The following MYOCD variants were observed in gnomAD, a reference collection of about 807,000 sequenced individuals.
MYOCD encodes the protein myocardin.
Under a neutral mutation model 96.1 loss-of-function variants are expected in MYOCD, and 32 were observed. That is an observed-to-expected ratio of 0.33 (90% CI 0.25 to 0.45). The LOEUF (loss-of-function observed/expected upper bound fraction) is 0.45. Among genes scored for constraint, MYOCD ranks in the 20% least tolerant of loss-of-function variants. The pLI is 1.00. For synonymous variants in MYOCD, 469 were observed against 469.0 expected (o/e 1.00, Z 0.00); for missense variants, 1,133 against 1,200.6 (o/e 0.94, Z 0.83).
At chr17:12,734,376 G>A (rs1319234267) in intron 5 of MYOCD, among the ~76,000 whole-genome samples, 2 of 151,994 alleles carry the variant, frequency 1.3e-5, no homozygotes, top group Admixed American at 6.6e-5. Context: ...GCACTGGCCC[G>A]GGGCACGTGC....
chr17:12,732,278 C>A (rs1444985598), intron 5 of MYOCD, among the ~76,000 whole-genome samples: 1 of 152,142 alleles, frequency 6.6e-6, no homozygotes, highest in Non-Finnish European at 1.5e-5. Flanking sequence ...GCTGAAAGCA[C>A]TTCTTTGTCA....
rs1409496307 is a variant in MYOCD, at chr17:12,753,375, C to G, written c.2058+29C>G. On this transcript the variant is annotated intron_variant, in intron 10 of 13. Transcript: ENST00000425538. ...AGAGCACCTTGCGCCATGCCTGGTG[C>G]ACACTTCTTTCTGGAAGTGGGTTAC... is the stretch of plus-strand genomic sequence containing the variant. 2.0e-6 allele frequency: 3 copies of G among 1,514,164 alleles called. No homozygotes were observed. The African/African-American group carries it at 4.2e-5, about 21-fold the overall frequency. 93.8% of individuals were successfully genotyped at this position (1,514,164 alleles called of 1,614,324 possible). A position where few individuals can be genotyped will look rare whatever the true frequency, so the allele number is the denominator to read the frequency against.
At chr17:12,749,705 A>ACG (rs2032782515) in intron 9 of MYOCD, among the ~76,000 whole-genome samples, 1 of 146,032 alleles carries the variant, frequency 6.8e-6, no homozygotes, top group African/African-American at 2.5e-5. Flanking sequence ...ATGTATACAT[A>ACG]TGTGTATATA....
chr17:12,666,334 C>T, intron 1 of MYOCD, 91 bp downstream of exon 1: 2 of 975,932 alleles, frequency 2.0e-6, no homozygotes, highest in Non-Finnish European at 3.2e-6. Context: ...GTTTCAAAGC[C>T]TGCCAGGTCT....
intron 2 of MYOCD, among the ~76,000 whole-genome samples, chr17:12,709,721 C>G (rs185916489): frequency 6.6e-5 from 10 of 152,260 alleles, no homozygotes; most frequent in Non-Finnish European, 1.2e-4. Flanking sequence ...ACTATCCCAC[C>G]CTTTTGGGCT....
intron 2 of MYOCD, among the ~76,000 whole-genome samples, chr17:12,714,554 C>T (rs557900048): frequency 9.2e-5 from 14 of 152,296 alleles, no homozygotes; most frequent in Admixed American, 7.8e-4. Flanking sequence ...TCAACCTCAT[C>T]ACTAATCATG....
chr17:12,687,832 G>A (rs1027667798), intron 1 of MYOCD, among the ~76,000 whole-genome samples: 1 of 152,208 alleles, frequency 6.6e-6, no homozygotes, highest in Non-Finnish European at 1.5e-5. Flanking sequence ...GAGTGGAGAG[G>A]AGGTAGAAAG....
chr17:12,750,932 A>T (rs990159244), intron 9 of MYOCD, among the ~76,000 whole-genome samples: 1 of 152,166 alleles, frequency 6.6e-6, no homozygotes, highest in African/African-American at 2.4e-5. Context: ...CAATTAGCAC[A>T]CTTGATACAT....
chr17:12,732,541 T>C (rs1274744731), intron 5 of MYOCD, among the ~76,000 whole-genome samples: 1 of 152,174 alleles, frequency 6.6e-6, no homozygotes, highest in East Asian at 1.9e-4. Context: ...TTGTGTCCCA[T>C]CCAGATACAA....
chr17:12,762,893 TG>T, intron 13 of MYOCD, 179 bp from the exon 14 acceptor site: 1 of 589,522 alleles, frequency 1.7e-6, no homozygotes, highest in Non-Finnish European at 3.0e-6. Context: ...GGAAAGGGTT[TG>T]GGAAAAACCA....
In MYOCD at chr17:12,703,473, G is replaced by T. The variant is rs2031165847; in HGVS notation, c.56-1655G>T. ...CCATTTTTGCTTCATGTATTTTGAG[G>T]TTCTGTTCTTAAATGCATATCCATT... On this transcript the variant is annotated intron_variant, in intron 1 of 13. Transcript: ENST00000425538. 7.9e-5 allele frequency among the ~76,000 whole-genome samples: 12 copies of T among 151,874 alleles called. No individual in the cohort carries two copies. The South Asian group carries it at 2.5e-3, about 32-fold the overall frequency.
At chr17:12,690,236 T>C (rs556048892) in intron 1 of MYOCD, among the ~76,000 whole-genome samples, 3 of 151,868 alleles carry the variant, frequency 2.0e-5, no homozygotes, top group Non-Finnish European at 4.4e-5. Flanking sequence ...AAAGAAAAGA[T>C]ACTAATAGTA....
In MYOCD at chr17:12,763,496, T is replaced by G; in HGVS notation, c.2813T>G (p.Met938Arg). 6.2e-7 allele frequency: 1 copy of G among 1,614,204 alleles called. No homozygotes were observed. The change falls in exon 14 of 14, where the codon ATG becomes AGG. Residue 938 changes from methionine to arginine, a missense_variant. Met to Arg is a moderately conservative substitution (Grantham distance 91, BLOSUM62 -1). Transcript: ENST00000425538. ...LSFTESPWET[M>R]EWLDLTPPNS... is the part of the protein sequence containing the mutation. ...TTCACTGAATCTCCCTGGGAAACCA[T>G]GGAGTGGCTGGACCTCACTCCGCCA...
chr17:12,721,765 A>T (rs2031847424), intron 4 of MYOCD, among the ~76,000 whole-genome samples: 1 of 152,242 alleles, frequency 6.6e-6, no homozygotes, highest in African/African-American at 2.4e-5. Context: ...GTTGGTACAC[A>T]GGATGAGTCA....
Position 12,752,649 on chromosome 17 carries a change from C to G in MYOCD, c.1361C>G (p.Ser454Cys). 6.2e-7 allele frequency: 1 copy of G among 1,614,038 alleles called. No homozygotes were observed. Among genetic ancestry groups the G allele is most frequent in the East Asian group, 2.2e-5 (1 of 44,884 alleles). Reference protein sequence around the residue: ...NGFYHFGSTSSSPPISPASSD... With the variant: ...NGFYHFGSTSCSPPISPASSD... ...TTCTACCACTTTGGCAGCACCAGCT[C>G]CAGCCCCCCGATCTCCCCAGCCTCC... is the stretch of plus-strand genomic sequence containing the variant. Residue 454 changes from serine to cysteine, a missense_variant, in exon 10 of 14, where the codon TCC becomes TGC. Transcript: ENST00000425538.
intron 1 of MYOCD, among the ~76,000 whole-genome samples, chr17:12,692,028 A>G (rs986036297): frequency 2.0e-5 from 3 of 152,210 alleles, no homozygotes; most frequent in Non-Finnish European, 4.4e-5. Flanking sequence ...GAGAGGGAAA[A>G]GGAATAAAAG....
At chr17:12,696,125 C>G (rs994655156) in intron 1 of MYOCD, among the ~76,000 whole-genome samples, 1 of 151,426 alleles carries the variant, frequency 6.6e-6, no homozygotes, top group African/African-American at 2.4e-5. Context: ...GGTGCAATCT[C>G]GGCTCACTGC....
Position 12,763,662 on chromosome 17 carries a change from T to C in MYOCD, c.*18T>C. ...AGTGGTAGAATGCCCAATGCACCAGTGCTATGGAAGACCAATGGAGTTCCA... is the reference window on the plus strand; with the variant it reads ...AGTGGTAGAATGCCCAATGCACCAGCGCTATGGAAGACCAATGGAGTTCCA... On this transcript the variant is annotated 3_prime_UTR_variant, in exon 14 of 14. Coordinates refer to ENST00000425538, the MANE Select transcript of MYOCD (RefSeq NM_001146312.3). The C allele has an allele frequency of 6.3e-7, 1 of 1,588,218 alleles. No individual in the cohort carries two copies. The highest frequency in any genetic ancestry group is 8.6e-7 in the Non-Finnish European group (1 of 1,165,352).
In MYOCD at chr17:12,739,286, T is replaced by C. The variant is rs766468575; in HGVS notation, c.675T>C (p.Leu225=). 1.9e-6 allele frequency: 3 copies of C among 1,608,596 alleles called. No individual in the cohort carries two copies. In the South Asian group the frequency reaches 3.3e-5, roughly 18 times the overall value. The change falls in exon 7 of 14, where the codon CTT becomes CTC. Residue 225 remains leucine (L), a synonymous_variant. Transcript: ENST00000425538. The part of the protein sequence containing the change: ...SHQSDAGKQG[L]GPPSTPIAVH... ...AGTCAGATGCGGGGAAGCAGGGGCT[T>C]GGCCCCCCCAGCACCCCCATAGCCG...
Sources: allele counts gnomAD v4.1 joint callset (sites outside exome capture counted in the v4.1 genomes callset), GRCh38; gene constraint gnomAD v4.1.1; transcripts MANE v1.5; gene names NCBI Gene and HGNC (gene_info 2026-07-23, HGNC 2026-07-21).